The following PCM1 variants were observed in gnomAD, a reference collection of about 807,000 sequenced individuals.
PCM1 encodes pericentriolar material 1 protein.
A neutral mutation model predicts 241.9 loss-of-function variants in PCM1; 157 were observed. The ratio of observed to expected loss-of-function variants is 0.65; its 90% CI spans 0.57 to 0.74. The LOEUF is 0.74. PCM1 is among the 30% of genes least tolerant of loss of function. The pLI is 0.00. For missense variants in PCM1, 3,478 were observed against 2,360.1 expected, an observed-to-expected ratio of 1.47 and a Z score of -9.81; for synonymous variants, 1,085 against 784.9, an observed-to-expected ratio of 1.38 and a Z score of -6.39.
chr8:18,006,920 G>T (rs2091491003), intron 30 of PCM1, among the ~76,000 whole-genome samples: 1 of 152,130 alleles, frequency 6.6e-6, no homozygotes, highest in African/African-American at 2.4e-5. Flanking sequence ...GAGAAGGTAG[G>T]AGGGCTGAGA....
Position 17,957,777 on chromosome 8 carries a change from T to G in PCM1, c.2040+2T>G. ...CAAGATCTTGTTGCTATGGTACAGGTAAATATTGCTTGGTCTTTTAAAAAC... is the reference window on the plus strand; with the variant it reads ...CAAGATCTTGTTGCTATGGTACAGGGAAATATTGCTTGGTCTTTTAAAAAC... On this transcript the variant is annotated splice_donor_variant, in intron 13 of 38. Coordinates refer to ENST00000325083, the MANE Select transcript of PCM1 (RefSeq NM_006197.4). LOFTEE classifies it high-confidence loss of function. 1.3e-6 allele frequency: 2 copies of G among 1,586,752 alleles called. No homozygotes were observed. Among genetic ancestry groups the G allele is most frequent in the Non-Finnish European group, 1.7e-6 (2 of 1,156,648 alleles).
chr8:17,983,685 C>G (rs541798950), intron 24 of PCM1, among the ~76,000 whole-genome samples: 2 of 152,070 alleles, frequency 1.3e-5, no homozygotes, highest in Non-Finnish European at 2.9e-5. Context: ...TCAAACAAAA[C>G]AATGATTACA....
At chr8:17,986,108 G>C in intron 26 of PCM1, 21 bp downstream of exon 26, 1 of 1,477,134 alleles carries the variant, frequency 6.8e-7, no homozygotes, top group East Asian at 2.4e-5. Flanking sequence ...AATGATTAGT[G>C]AATTGTAGAT....
At chr8:17,985,270 A>C (rs763521938) in intron 24 of PCM1, among the ~76,000 whole-genome samples, 177 bp from the exon 25 acceptor site, 1 of 151,830 alleles carries the variant, frequency 6.6e-6, no homozygotes, top group Non-Finnish European at 1.5e-5. Context: ...TGATATTTTA[A>C]GATTTTATTT....
At chr8:17,940,280 C>T (rs1210594954) in intron 6 of PCM1, 1 of 581,690 alleles carries the variant, frequency 1.7e-6, no homozygotes, top group African/African-American at 1.9e-5. Flanking sequence ...AAGAACCCCT[C>T]AAATTGTTAA....
At chr8:17,942,859 T>C (rs1385471748) in intron 6 of PCM1, among the ~76,000 whole-genome samples, 1 of 151,868 alleles carries the variant, frequency 6.6e-6, no homozygotes, top group African/African-American at 2.4e-5. Context: ...TAGCCAGGTG[T>C]GGTAGTATGC....
intron 3 of PCM1, among the ~76,000 whole-genome samples, chr8:17,936,743 C>G (rs1428555000): frequency 1.3e-5 from 2 of 152,114 alleles, no homozygotes; most frequent in Non-Finnish European, 2.9e-5. Context: ...GATTTGATTT[C>G]AGATCTCTTT....
In PCM1 at chr8:18,011,165, A is replaced by G. The variant is rs2092442145; in HGVS notation, c.5221-72A>G. On this transcript the variant is annotated intron_variant, in intron 32 of 38. Transcript: ENST00000325083. ...TTATTAGATAATGATCATTATTAAT[A>G]CGATAGACTTACTATATACCTTTTA... 31 of 988,250 alleles carry G rather than the reference A, an allele frequency of 3.1e-5. No individual in the cohort carries two copies. In the South Asian group the frequency reaches 6.4e-4, roughly 20 times the overall value. 61.2% of individuals were successfully genotyped at this position (988,250 alleles called of 1,614,324 possible).
chr8:17,936,062 C>G (rs753830108), intron 3 of PCM1, among the ~76,000 whole-genome samples: 1 of 152,176 alleles, frequency 6.6e-6, no homozygotes, highest in Non-Finnish European at 1.5e-5. Context: ...ACACACCTTT[C>G]TCTTTACAGA....
intron 23 of PCM1, among the ~76,000 whole-genome samples, chr8:17,974,592 A>G (rs1277248023): frequency 6.6e-6 from 1 of 152,170 alleles, no homozygotes; most frequent in Non-Finnish European, 1.5e-5. Context: ...CAGATTTTAC[A>G]GGAACCTTAG....
At chr8:17,935,777 A>G (rs2060237822) in intron 3 of PCM1, 71 bp downstream of exon 3, 1 of 750,622 alleles carries the variant, frequency 1.3e-6, no homozygotes, top group African/African-American at 1.7e-5. Context: ...CCCTGACCAA[A>G]TTTAACTCAC....
intron 23 of PCM1, among the ~76,000 whole-genome samples, chr8:17,973,599 TC>T (rs1410900314): frequency 6.6e-6 from 1 of 151,712 alleles, no homozygotes; most frequent in African/African-American, 2.4e-5. Context: ...GTGCCTGTAA[TC>T]CAGCTACTAA....
At chr8:17,929,296 G>A (rs999812220) in intron 2 of PCM1, among the ~76,000 whole-genome samples, 3 of 152,034 alleles carry the variant, frequency 2.0e-5, no homozygotes, top group African/African-American at 7.3e-5. Flanking sequence ...CTGTCTTTCT[G>A]TACCTTATTA....
chr8:17,976,752 A>AGTGGT (rs1242364055), intron 23 of PCM1, among the ~76,000 whole-genome samples: 3 of 152,208 alleles, frequency 2.0e-5, no homozygotes, highest in African/African-American at 7.2e-5. Context: ...AAAGGGAAAG[A>AGTGGT]GTGGTGAAGT....
At chr8:17,965,912 C>G (rs2074699946) in intron 18 of PCM1, 87 bp from the exon 19 acceptor site, 1 of 818,668 alleles carries the variant, frequency 1.2e-6, no homozygotes, top group South Asian at 2.0e-5. Flanking sequence ...AATATTGGCC[C>G]ATAGGCCTGA....
chr8:17,935,585 G>T lies in PCM1; in HGVS notation c.-22-4G>T. The stretch of plus-strand genomic sequence containing the variant: ...TAAAGCTCAGTTCTTAACTTGTTTC[G>T]CAGAGAGTTAATTGTTAAATCCAGT... On this transcript the variant is annotated splice_region_variant and splice_polypyrimidine_tract_variant and intron_variant, in intron 2 of 38. Coordinates refer to ENST00000325083, the MANE Select transcript of PCM1 (RefSeq NM_006197.4). 1 of 994,922 alleles carries T rather than the reference G, an allele frequency of 1.0e-6. No individual in the cohort carries two copies. Among genetic ancestry groups the T allele is most frequent in the East Asian group, 2.4e-5 (1 of 41,966 alleles). 61.6% of individuals were successfully genotyped at this position (994,922 alleles called of 1,614,324 possible).
At chr8:17,933,502 C>T (rs1340703783) in intron 2 of PCM1, among the ~76,000 whole-genome samples, 1 of 152,152 alleles carries the variant, frequency 6.6e-6, no homozygotes, top group Non-Finnish European at 1.5e-5. Context: ...TTAAGCCAAT[C>T]TACATTTAGA....
At chr8:18,006,206 T>C in intron 29 of PCM1, 57 bp from the exon 30 acceptor site, 1 of 1,387,916 alleles carries the variant, frequency 7.2e-7, no homozygotes, top group Non-Finnish European at 9.7e-7. Context: ...ATGGATTGAT[T>C]TTCTTTTTTT....
In PCM1 at chr8:17,964,647, A is replaced by G; in HGVS notation, c.2734A>G (p.Ile912Val). The G allele has an allele frequency of 1.9e-6, 3 of 1,613,942 alleles. No individual in the cohort carries two copies. Among genetic ancestry groups the G allele is most frequent in the Non-Finnish European group, 2.5e-6 (3 of 1,179,834 alleles). The change falls in exon 18 of 39, where the codon ATT (isoleucine) becomes GTT (valine). Residue 912 changes from isoleucine (I) to valine (V), a missense_variant. By Grantham distance (29) the Ile-to-Val change is conservative (BLOSUM62 3). Coordinates refer to ENST00000325083, the MANE Select transcript of PCM1 (RefSeq NM_006197.4). ...TGAAGACGGTTACCTTTCTGAAGGA[A>G]TTGTTCGGACAGATGAAGAGGAGGA... ...GDEDGYLSEGIVRTDEEEEEE... is the reference protein window; with the variant it reads ...GDEDGYLSEGVVRTDEEEEEE...
Sources: allele counts gnomAD v4.1 joint callset (sites outside exome capture counted in the v4.1 genomes callset), GRCh38; gene constraint gnomAD v4.1.1; transcripts MANE v1.5; gene names NCBI Gene and HGNC (gene_info 2026-07-23, HGNC 2026-07-21).